Variants in MACROD2 observed in about 807,000 individuals in gnomAD.
MACROD2 encodes the protein mono-ADP ribosylhydrolase 2.
Under a neutral mutation model 70.4 loss-of-function variants are expected in MACROD2, and 36 were observed. The observed-to-expected ratio is 0.51, with a 90% CI of 0.39 to 0.68. The LOEUF is 0.68. Ranked by LOEUF, MACROD2 falls within the 30% of genes least tolerant of loss-of-function variation. MACROD2 has a pLI of 0.00. For synonymous variants in MACROD2, 172 were observed against 178.8 expected (o/e 0.96, Z 0.30); for missense variants, 496 against 538.4 (o/e 0.92, Z 0.78).
chr20:15,455,346 G>T (rs1416491540), intron 7 of MACROD2, among the ~76,000 whole-genome samples: 1 of 152,116 alleles, frequency 6.6e-6, no homozygotes, highest in Admixed American at 6.6e-5. Context: ...CCAGTTAGTG[G>T]CAGCTTATCC....
chr20:15,226,367 T>C (rs896211407), intron 5 of MACROD2, among the ~76,000 whole-genome samples: 6 of 152,202 alleles, frequency 3.9e-5, no homozygotes, highest in Non-Finnish European at 8.8e-5. Context: ...ATTTACCATT[T>C]CTTGAGCCTT....
chr20:15,729,986 C>T (rs1357011272), intron 8 of MACROD2, among the ~76,000 whole-genome samples: 1 of 151,932 alleles, frequency 6.6e-6, no homozygotes, highest in African/African-American at 2.4e-5. Flanking sequence ...TGCCACCACG[C>T]CCCACTAACT....
intron 3 of MACROD2, among the ~76,000 whole-genome samples, chr20:14,349,134 T>A (rs1038257794): frequency 6.6e-6 from 1 of 150,940 alleles, no homozygotes; most frequent in African/African-American, 2.4e-5. Flanking sequence ...CTATCCAGTA[T>A]TAACATTGGG....
intron 5 of MACROD2, among the ~76,000 whole-genome samples, chr20:14,827,984 T>G (rs952481927): frequency 6.6e-6 from 1 of 152,092 alleles, no homozygotes; most frequent in South Asian, 2.1e-4. Flanking sequence ...GTTTTCCTTC[T>G]TTTAAAATTT....
chr20:14,543,221 G>A (rs2085453961), intron 4 of MACROD2, among the ~76,000 whole-genome samples: 1 of 152,090 alleles, frequency 6.6e-6, no homozygotes, highest in African/African-American at 2.4e-5. Context: ...AGTGACTAAT[G>A]GACTGGTAGT....
intron 12 of MACROD2, among the ~76,000 whole-genome samples, chr20:15,946,851 C>CTAT (rs1248779352): frequency 1.3e-5 from 2 of 152,168 alleles, no homozygotes; most frequent in Non-Finnish European, 2.9e-5. Flanking sequence ...TTATTAATTA[C>CTAT]TATTTCCACC....
chr20:14,335,233 G>T (rs947292770), intron 3 of MACROD2, among the ~76,000 whole-genome samples: 5 of 152,192 alleles, frequency 3.3e-5, no homozygotes, highest in Non-Finnish European at 5.9e-5. Context: ...TAGAGAGACT[G>T]AGTGTTCATT....
At chr20:15,527,234 T>C (rs1021631326) in intron 8 of MACROD2, among the ~76,000 whole-genome samples, 1 of 152,160 alleles carries the variant, frequency 6.6e-6, no homozygotes, top group Non-Finnish European at 1.5e-5. Flanking sequence ...TAAGTGTGAA[T>C]TTTGAGTAAA....
intron 3 of MACROD2, chr20:14,329,425 A>C (rs1422527609): frequency 6.6e-6 from 1 of 152,132 alleles, no homozygotes; most frequent in Non-Finnish European, 1.5e-5. Flanking sequence ...AAAATAACAC[A>C]TCTTTCATCA....
intron 6 of MACROD2, among the ~76,000 whole-genome samples, chr20:15,383,900 A>T (rs140664136): frequency 3.3e-4 from 50 of 152,192 alleles, no homozygotes; most frequent in African/African-American, 1.2e-3. Flanking sequence ...TTAAATTCTG[A>T]TCTAAAAAAG....
intron 5 of MACROD2, among the ~76,000 whole-genome samples, chr20:14,968,060 G>A (rs1353599636): frequency 6.6e-6 from 1 of 152,056 alleles, no homozygotes; most frequent in Non-Finnish European, 1.5e-5. Context: ...ATTCTGGGCT[G>A]GACAGGTAAG....
intron 8 of MACROD2, among the ~76,000 whole-genome samples, chr20:15,862,382 A>G (rs1368059055): frequency 6.6e-6 from 1 of 152,200 alleles, no homozygotes; most frequent in Non-Finnish European, 1.5e-5. Context: ...ATTCTGCTGT[A>G]TACCTCTCGT....
At chr20:14,937,042 A>G (rs1433352558) in intron 5 of MACROD2, among the ~76,000 whole-genome samples, 3 of 152,232 alleles carry the variant, frequency 2.0e-5, no homozygotes, top group African/African-American at 7.2e-5. Context: ...TTAGGTAAAT[A>G]CATTGGAAAC....
chr20:15,541,299 C>CT (rs2047952521), intron 8 of MACROD2, among the ~76,000 whole-genome samples: 1 of 152,030 alleles, frequency 6.6e-6, no homozygotes, highest in Non-Finnish European at 1.5e-5. Flanking sequence ...TTTTATTTGT[C>CT]TTTTTTGAAT....
At chr20:15,342,992 T>A (rs1262680690) in intron 6 of MACROD2, among the ~76,000 whole-genome samples, 1 of 152,208 alleles carries the variant, frequency 6.6e-6, no homozygotes, top group Non-Finnish European at 1.5e-5. Context: ...CTTGGAGGGA[T>A]GTTGTAAGGC....
chr20:15,490,219 T>TCCTC (rs1425106299), intron 7 of MACROD2, among the ~76,000 whole-genome samples: 1 of 139,726 alleles, frequency 7.2e-6, no homozygotes, highest in Non-Finnish European at 1.5e-5. Context: ...CTTCCTTCCT[T>TCCTC]CCTCCCTTCC....
At chr20:15,310,860 T>A (rs1568712640) in intron 6 of MACROD2, among the ~76,000 whole-genome samples, 1 of 152,178 alleles carries the variant, frequency 6.6e-6, no homozygotes, top group Non-Finnish European at 1.5e-5. Flanking sequence ...CTAGCCCGTT[T>A]GCACTATATC....
chr20:15,859,560 C>G (rs1025791553), intron 8 of MACROD2, among the ~76,000 whole-genome samples: 2 of 152,068 alleles, frequency 1.3e-5, no homozygotes, highest in African/African-American at 4.8e-5. Flanking sequence ...CAACAATAAC[C>G]CCAGAGAATA....
chr20:15,142,372 G>T (rs117828142), intron 5 of MACROD2, among the ~76,000 whole-genome samples: 2 of 152,010 alleles, frequency 1.3e-5, no homozygotes, highest in Non-Finnish European at 2.9e-5. Context: ...CCAACCAATC[G>T]TTCTGTCCAC....
Sources: allele counts gnomAD v4.1 joint callset (sites outside exome capture counted in the v4.1 genomes callset), GRCh38; gene constraint gnomAD v4.1.1; transcripts MANE v1.5; gene names NCBI Gene and HGNC (gene_info 2026-07-23, HGNC 2026-07-21).